TKT: variants seen among roughly 807,000 people sequenced by gnomAD.
TKT encodes the protein epididymis luminal protein 107.
TKT carries 47 observed loss-of-function variants against 63.9 expected under a neutral mutation model. The observed-to-expected ratio is 0.74, with a 90% CI of 0.58 to 0.94. TKT has a LOEUF of 0.94. Ranked by LOEUF, TKT falls within the 40% of genes least tolerant of loss-of-function variation. TKT has a pLI of 0.00. For missense variants in TKT, 721 were observed against 846.2 expected, an observed-to-expected ratio of 0.85 and a Z score of 1.84; for synonymous variants, 338 against 334.1, an observed-to-expected ratio of 1.01 and a Z score of -0.13.
At position 53,225,873 on chromosome 3, in the gene TKT, G is replaced by T; in HGVS notation, c.1755C>A (p.Thr585=). Residue 585 remains threonine, a synonymous_variant, in exon 14 of 14, where the codon ACC becomes ACA. Transcript: ENST00000462138. ...AVVGEPGITV[T]HLAVNRVPRS... is the part of the protein sequence containing the mutation. ...TTGGTACCCGGTTAACTGCCAGGTG[G>T]GTGACAGTGATGCCAGGCTCGCCCA... 1 of 1,614,054 alleles carries T rather than the reference G, an allele frequency of 6.2e-7. No homozygotes were observed.
chr3:53,231,727 T>C, intron 6 of TKT, 177 bp from the exon 7 acceptor site: 1 of 624,678 alleles, frequency 1.6e-6, no homozygotes, highest in East Asian at 2.8e-5. Flanking sequence ...TCGCAGTGAA[T>C]AGGATGGACT....
intron 12 of TKT, 129 bp from the exon 13 acceptor site, chr3:53,227,007 C>G: frequency 8.4e-7 from 1 of 1,191,674 alleles, no homozygotes; most frequent in Non-Finnish European, 1.2e-6. Flanking sequence ...CTGTCCCTGT[C>G]CCAGGGAGAA....
rs782166900 is a variant in TKT, at chr3:53,229,425, C to A, written c.1119G>T (p.Ala373=). ...YIAEQNMVSI[A]VGCATRNRTV... ...TCCTGTTGCGGGTGGCACAGCCCAC[C>A]GCGATGCTCACCTGGGGGCAGGTGG... Residue 373 remains alanine, a synonymous_variant, in exon 9 of 14, where the codon GCG becomes GCT. Coordinates refer to ENST00000462138, the MANE Select transcript of TKT (RefSeq NM_001064.4). 5.0e-6 allele frequency: 8 copies of A among 1,606,952 alleles called. No homozygotes were observed. Among genetic ancestry groups the A allele is most frequent in the Non-Finnish European group, 5.9e-6 (7 of 1,176,886 alleles).
intron 6 of TKT, 96 bp downstream of exon 6, chr3:53,233,060 G>T: frequency 9.4e-7 from 1 of 1,061,552 alleles, no homozygotes; most frequent in Non-Finnish European, 1.4e-6. Flanking sequence ...TCAGTGAGCA[G>T]CAAGGGCTGT....
At chr3:53,246,980 A>AG (rs1194693739) in intron 1 of TKT, among the ~76,000 whole-genome samples, 1 of 152,158 alleles carries the variant, frequency 6.6e-6, no homozygotes, top group Non-Finnish European at 1.5e-5. Flanking sequence ...GTAATGTACT[A>AG]GTTCTTAATC....
chr3:53,250,792 G>GT (rs1302619894), intron 1 of TKT, among the ~76,000 whole-genome samples: 2 of 152,014 alleles, frequency 1.3e-5, no homozygotes, highest in Non-Finnish European at 2.9e-5. Flanking sequence ...GTTTTGTTTT[G>GT]TTTTTTTAAG....
At position 53,230,620 on chromosome 3, in the gene TKT, A is replaced by G. The variant is rs782745538; in HGVS notation, c.944T>C (p.Ile315Thr). The change falls in exon 8 of 14, where the codon ATA becomes ACA. Residue 315 changes from isoleucine (I) to threonine (T), a missense_variant and splice_region_variant. Transcript: ENST00000462138. The stretch of plus-strand genomic sequence containing the variant: ...CTGCCCGTAGGCCTTGCGGGTGGCT[A>G]TCTGTGAGGAAGAGAGTGGGAAGGC... ...SLPSYKVGDK[I>T]ATRKAYGQAL... The G allele has an allele frequency of 6.2e-6, 10 of 1,613,960 alleles. No individual in the cohort carries two copies. Among genetic ancestry groups the G allele is most frequent in the Middle Eastern group, 3.3e-4 (2 of 6,084 alleles).
chr3:53,241,069 C>A (rs1481673293), intron 3 of TKT, 63 bp downstream of exon 3: 1 of 1,414,660 alleles, frequency 7.1e-7, no homozygotes, highest in East Asian at 2.6e-5. Context: ...TACCCCCGTC[C>A]CACATGTCTG....
rs1553676272 is a variant in TKT at position 53,229,080 on chromosome 3, G to A, written c.1322C>T (p.Pro441Leu). 2 of 1,614,042 alleles carry A rather than the reference G, an allele frequency of 1.2e-6. No homozygotes were observed. Among genetic ancestry groups the A allele is most frequent in the African/African-American group, 2.7e-5 (2 of 74,910 alleles). The change falls in exon 10 of 14, where the codon CCC becomes CTC. Residue 441 changes from proline to leucine, a missense_variant. Transcript: ENST00000462138. ...LEDLAMFRSV[P>L]TSTVFYPSDG... ...ACTTGGGTAAAAGACAGTTGATGTG[G>A]GGACTGACCGAAACATAGCCAGATC...
Position 53,240,232 on chromosome 3 carries a change from TG to T in TKT, c.437+18del. 11 of 1,603,054 alleles carry T rather than the reference TG, an allele frequency of 6.9e-6. No individual in the cohort carries two copies. The highest frequency in any genetic ancestry group is 9.4e-6 in the Non-Finnish European group (11 of 1,171,912). On this transcript the variant is annotated intron_variant, in intron 4 of 13. Transcript: ENST00000462138. Reference sequence around the variant, plus strand: ...TCCCCAAAACTACCCAGGTTGGGGGTGGGGAGTAGGTGTGTTACCTGGCCTT... The same window carrying T: ...TCCCCAAAACTACCCAGGTTGGGGGTGGGAGTAGGTGTGTTACCTGGCCTT...
intron 8 of TKT, 47 bp from the exon 9 acceptor site, chr3:53,229,483 T>A: frequency 6.4e-7 from 1 of 1,564,924 alleles, no homozygotes; most frequent in Non-Finnish European, 8.6e-7. Context: ...AGGCAGAGGG[T>A]GGTCGGGGAG....
At position 53,229,014 on chromosome 3, in the gene TKT, T is replaced by C; in HGVS notation, c.1388A>G (p.Asn463Ser). The C allele has an allele frequency of 1.2e-6, 2 of 1,614,108 alleles. No individual in the cohort carries two copies. Among genetic ancestry groups the C allele is most frequent in the East Asian group, 2.2e-5 (1 of 44,886 alleles). ...ATEKAVELAA[N>S]TKGICFIRTS... ...AACAGCCATGCAACCTACCTTTGTA[T>C]TGGCGGCTAGTTCCACTGCCTTCTC... The change falls in exon 10 of 14, where the codon AAT (asparagine) becomes AGT (serine). Residue 463 changes from asparagine to serine, a missense_variant. Coordinates refer to ENST00000462138, the MANE Select transcript of TKT (RefSeq NM_001064.4).
chr3:53,230,604 G>A lies in TKT; in HGVS notation c.960C>T (p.Ala320=), dbSNP rs902707483. The change falls in exon 8 of 14, where the codon GCC becomes GCT. Residue 320 remains alanine, a synonymous_variant. Transcript: ENST00000462138. ...CCAGCTTGGCCAGTGCCTGCCCGTA[G>A]GCCTTGCGGGTGGCTATCTGTGAGG... The part of the protein sequence containing the change: ...KVGDKIATRK[A]YGQALAKLGH... The A allele has an allele frequency of 6.2e-7, 1 of 1,614,234 alleles. No individual in the cohort carries two copies. The highest frequency in any genetic ancestry group is 8.5e-7 in the Non-Finnish European group (1 of 1,180,052).
chr3:53,255,985 G>A lies in TKT; in HGVS notation c.-43C>T. On this transcript the variant is annotated 5_prime_UTR_variant, in exon 1 of 14. Coordinates refer to ENST00000462138, the MANE Select transcript of TKT (RefSeq NM_001064.4). ...CCGGGCGCACACGCGGACACACAGA[G>A]ATAGCGGCTGCTCCCGCGGCGACAG... The A allele has an allele frequency of 7.3e-7, 1 of 1,367,660 alleles. No homozygotes were observed. The highest frequency in any genetic ancestry group is 9.8e-7 in the Non-Finnish European group (1 of 1,025,412). 84.7% of individuals were successfully genotyped at this position (1,367,660 alleles called of 1,614,324 possible).
chr3:53,244,481 C>A (rs1553680555), intron 1 of TKT, among the ~76,000 whole-genome samples: 1 of 152,212 alleles, frequency 6.6e-6, no homozygotes, highest in East Asian at 1.9e-4. Flanking sequence ...CCTCTCAGCA[C>A]CTGCAGCTCT....
intron 1 of TKT, among the ~76,000 whole-genome samples, chr3:53,248,992 G>A (rs1463333199): frequency 6.6e-6 from 1 of 152,046 alleles, no homozygotes; most frequent in East Asian, 1.9e-4. Context: ...TTTGAGACAA[G>A]TTCTCACTCT....
chr3:53,239,336 T>C (rs1553679342), intron 4 of TKT, among the ~76,000 whole-genome samples: 2 of 151,562 alleles, frequency 1.3e-5, no homozygotes, highest in African/African-American at 4.9e-5. Context: ...AGAGGCAGAG[T>C]CTCGCTCTGT....
chr3:53,239,510 T>C (rs1478456714), intron 4 of TKT, among the ~76,000 whole-genome samples: 1 of 152,088 alleles, frequency 6.6e-6, no homozygotes, highest in African/African-American at 2.4e-5. Context: ...TCTTGCTCTG[T>C]TGCCTAGGCT....
chr3:53,239,131 C>T (rs1705161537), intron 4 of TKT, among the ~76,000 whole-genome samples: 1 of 152,082 alleles, frequency 6.6e-6, no homozygotes, highest in Admixed American at 6.6e-5. Flanking sequence ...CTCTCTTTGC[C>T]TGCGCCTTCC....
Sources: gnomAD v4.1 joint callset for allele counts (sites outside exome capture counted in the v4.1 genomes callset) on GRCh38, gnomAD v4.1.1 for gene constraint, MANE v1.5 for transcripts, NCBI Gene and HGNC (gene_info 2026-07-23, HGNC 2026-07-21) for gene names.